Variants in LZTS1 observed in about 807,000 individuals in gnomAD.
LZTS1 encodes leucine zipper tumor suppressor 1, also known as leucine zipper putative tumor suppressor 1.
LZTS1 carries 31 observed loss-of-function variants against 45.8 expected under a neutral mutation model. The ratio of observed to expected loss-of-function variants is 0.68; its 90% CI spans 0.51 to 0.91. LZTS1 has a LOEUF of 0.91. Among genes scored for constraint, LZTS1 ranks in the 40% least tolerant of loss-of-function variants. The probability of loss-of-function intolerance (pLI) is 0.00; values close to 1 mark genes in which losing one functional copy is unlikely to be tolerated. For missense variants in LZTS1, 821 were observed against 788.9 expected (o/e 1.04, Z -0.49); for synonymous variants, 359 against 357.3 (o/e 1.00, Z -0.05).
rs1272968270 is a variant in LZTS1, at chr8:20,247,664, T to G, written c.*2058A>C. ...ATGGCAGGATGGGCACCGTTTAACC[T>G]CAGGGACAGGAAGGTAGAGCCAGCC... On this transcript the variant is annotated 3_prime_UTR_variant, in exon 4 of 4. Coordinates refer to ENST00000381569, the MANE Select transcript of LZTS1 (RefSeq NM_021020.5). 2 of 152,282 alleles carry G rather than the reference T, an allele frequency of 1.3e-5. No homozygotes were observed. Among genetic ancestry groups the G allele is most frequent in the Non-Finnish European group, 2.9e-5 (2 of 68,176 alleles). 9.4% of individuals were successfully genotyped at this position (152,282 alleles called of 1,614,324 possible).
chr8:20,271,761 C>A (rs148627845), intron 1 of LZTS1, among the ~76,000 whole-genome samples: 1 of 152,234 alleles, frequency 6.6e-6, no homozygotes, highest in African/African-American at 2.4e-5. Context: ...AAAGCAATGC[C>A]AGTCCTATGC....
At chr8:20,296,521 A>C (rs1018280087) in intron 1 of LZTS1, among the ~76,000 whole-genome samples, 1 of 152,230 alleles carries the variant, frequency 6.6e-6, no homozygotes, top group Non-Finnish European at 1.5e-5. Flanking sequence ...ACCATGCCAC[A>C]GATTGGCCAG....
rs1799808574 is a variant in LZTS1 at position 20,248,976 on chromosome 8, A to G, written c.*746T>C. ...TTAAAGAAGAGTGGTCACCGAGGTCAAAGGTCACTGGCTGTCCAGAGGCTG... is the reference window on the plus strand; with the variant it reads ...TTAAAGAAGAGTGGTCACCGAGGTCGAAGGTCACTGGCTGTCCAGAGGCTG... On this transcript the variant is annotated 3_prime_UTR_variant, in exon 4 of 4. Coordinates refer to ENST00000381569, the MANE Select transcript of LZTS1 (RefSeq NM_021020.5). The G allele has an allele frequency of 6.5e-6, 1 of 152,892 alleles. No individual in the cohort carries two copies. Among genetic ancestry groups the G allele is most frequent in the African/African-American group, 2.4e-5 (1 of 41,466 alleles). The allele number at this position is 152,892 out of a possible 1,614,324, so 9.5% of individuals were successfully genotyped here.
intron 1 of LZTS1, among the ~76,000 whole-genome samples, chr8:20,273,018 C>T (rs996789521): frequency 2.6e-5 from 4 of 152,172 alleles, no homozygotes; most frequent in Admixed American, 6.5e-5. Flanking sequence ...TATTGCTGCT[C>T]GATCATTTCT....
chr8:20,270,898 G>A (rs1040892004), intron 1 of LZTS1, among the ~76,000 whole-genome samples: 2 of 151,178 alleles, frequency 1.3e-5, no homozygotes, highest in African/African-American at 2.4e-5. Context: ...TCTGGGTTTC[G>A]GAACCCAGAA....
At chr8:20,292,612 C>T (rs886660015) in intron 1 of LZTS1, among the ~76,000 whole-genome samples, 1 of 152,202 alleles carries the variant, frequency 6.6e-6, no homozygotes, top group African/African-American at 2.4e-5. Context: ...GTTGTATCAG[C>T]TGTCACAAAA....
At position 20,298,343 on chromosome 8, in the gene LZTS1, T is replaced by G. The variant is rs577868436; in HGVS notation, c.-135+5397A>C. 2.8e-4 allele frequency among the ~76,000 whole-genome samples: 42 copies of G among 152,284 alleles called. 2 individuals carry two copies. In the South Asian group the frequency reaches 7.0e-3, roughly 26 times the overall value. ...TCCCAAAGTGCTAGGAATACAGGCATGAGCCACCGTGCCCAGCCCTCCTTC... is the reference window on the plus strand; with the variant it reads ...TCCCAAAGTGCTAGGAATACAGGCAGGAGCCACCGTGCCCAGCCCTCCTTC... On this transcript the variant is annotated intron_variant, in intron 1 of 3. Transcript: ENST00000381569.
intron 1 of LZTS1, among the ~76,000 whole-genome samples, chr8:20,276,244 G>GGT (rs1329417682): frequency 1.2e-4 from 5 of 42,752 alleles, no homozygotes; most frequent in Non-Finnish European, 1.6e-4. Context: ...TCTCCAGAGT[G>GGT]ATTTTTTTTT....
At chr8:20,280,841 C>T (rs1337070932) in intron 1 of LZTS1, among the ~76,000 whole-genome samples, 1 of 152,164 alleles carries the variant, frequency 6.6e-6, no homozygotes, top group Non-Finnish European at 1.5e-5. Flanking sequence ...GGACATTAGC[C>T]TGGCATTCAA....
At chr8:20,261,232 C>T (rs1039790110) in intron 1 of LZTS1, among the ~76,000 whole-genome samples, 7 of 152,138 alleles carry the variant, frequency 4.6e-5, no homozygotes, top group Non-Finnish European at 8.8e-5. Context: ...CCTCACACTC[C>T]ACATGGCATG....
At chr8:20,284,903 A>AAAAC (rs1351236642) in intron 1 of LZTS1, among the ~76,000 whole-genome samples, 1 of 152,200 alleles carries the variant, frequency 6.6e-6, no homozygotes, top group African/African-American at 2.4e-5. Context: ...ATAGTCTTAG[A>AAAAC]AAACCCCTCC....
At chr8:20,261,872 T>C (rs554041738) in intron 1 of LZTS1, among the ~76,000 whole-genome samples, 1 of 152,256 alleles carries the variant, frequency 6.6e-6, no homozygotes, top group East Asian at 1.9e-4. Context: ...CCGGAGATGT[T>C]CAGCCTCCAG....
intron 1 of LZTS1, among the ~76,000 whole-genome samples, chr8:20,287,562 G>A (rs1367046957): frequency 6.6e-6 from 1 of 152,156 alleles, no homozygotes. Context: ...CGTCTTCAGG[G>A]CAGGGAGGTT....
intron 1 of LZTS1, among the ~76,000 whole-genome samples, chr8:20,280,624 G>A (rs577683803): frequency 4.9e-4 from 74 of 152,308 alleles, no homozygotes; most frequent in Non-Finnish European, 9.3e-4. Flanking sequence ...CTGGGGAGTC[G>A]ATTGCGCTAA....
At chr8:20,264,228 A>G (rs1189330648) in intron 1 of LZTS1, among the ~76,000 whole-genome samples, 2 of 152,198 alleles carry the variant, frequency 1.3e-5, no homozygotes, top group African/African-American at 4.8e-5. Flanking sequence ...TATTGACAGC[A>G]TGTAGAGCTA....
intron 1 of LZTS1, among the ~76,000 whole-genome samples, chr8:20,298,779 G>A (rs1383665492): frequency 2.0e-5 from 3 of 151,920 alleles, no homozygotes; most frequent in East Asian, 3.9e-4. Flanking sequence ...AGAGAGGACT[G>A]GGGATCACTT....
At chr8:20,287,021 CT>C (rs1026331548) in intron 1 of LZTS1, among the ~76,000 whole-genome samples, 37 of 140,986 alleles carry the variant, frequency 2.6e-4, no homozygotes, top group African/African-American at 1.2e-3. Context: ...AATTTGCAAA[CT>C]TGTCTAGTTG....
chr8:20,253,037 C>T lies in LZTS1; in HGVS notation c.894G>A (p.Arg298=), dbSNP rs778768774. 1.2e-6 allele frequency: 2 copies of T among 1,603,384 alleles called. No individual in the cohort carries two copies. The highest frequency in any genetic ancestry group is 8.5e-7 in the Non-Finnish European group (1 of 1,176,766). Residue 298 remains arginine, a synonymous_variant, in exon 3 of 4, where the codon CGG becomes CGA. Coordinates refer to ENST00000381569, the MANE Select transcript of LZTS1 (RefSeq NM_021020.5). ...CCAGCTCGTCCCTGCAGCGCCGCGG[C>T]CGCTCCTCGTAGGCCAGGCTGGAGG... is the stretch of plus-strand genomic sequence containing the variant. The part of the protein sequence containing the change: ...ELASSLAYEE[R]PRRCRDELEG...
intron 1 of LZTS1, among the ~76,000 whole-genome samples, chr8:20,264,697 T>G (rs1235132338): frequency 3.3e-5 from 5 of 152,162 alleles, no homozygotes; most frequent in Non-Finnish European, 4.4e-5. Context: ...AGCCTGGAAC[T>G]CGAGGCACAA....
Sources: allele counts gnomAD v4.1 joint callset (sites outside exome capture counted in the v4.1 genomes callset), GRCh38; gene constraint gnomAD v4.1.1; transcripts MANE v1.5; gene names NCBI Gene and HGNC (gene_info 2026-07-23, HGNC 2026-07-21).